Variants in NSMCE2 observed in about 807,000 individuals in gnomAD.
NSMCE2 encodes the protein NSE2 SUMO ligase component of SMC5/6 complex.
Under a neutral mutation model 23.8 loss-of-function variants are expected in NSMCE2, and 24 were observed. The ratio of observed to expected loss-of-function variants is 1.01; its 90% CI spans 0.73 to 1.42. NSMCE2 has a LOEUF of 1.42. Among genes scored for constraint, NSMCE2 ranks in the 40% most tolerant of loss-of-function variants. The probability of loss-of-function intolerance (pLI) is 0.00; values close to 1 mark genes in which losing one functional copy is unlikely to be tolerated. For synonymous variants in NSMCE2, 92 were observed against 94.1 expected (o/e 0.98, Z 0.13); for missense variants, 284 against 296.5 (o/e 0.96, Z 0.31).
intron 5 of NSMCE2, among the ~76,000 whole-genome samples, chr8:125,247,571 A>G (rs867102540): frequency 3.3e-5 from 5 of 152,204 alleles, no homozygotes; most frequent in Middle Eastern, 3.4e-3. Context: ...CTGAAAATAT[A>G]AAAATTAGCT....
chr8:125,297,353 A>G (rs980744981), intron 5 of NSMCE2, among the ~76,000 whole-genome samples: 3 of 152,194 alleles, frequency 2.0e-5, no homozygotes, highest in Non-Finnish European at 4.4e-5. Flanking sequence ...AATCTGCTCT[A>G]CAAAGTCTCT....
intron 4 of NSMCE2, among the ~76,000 whole-genome samples, chr8:125,152,341 G>T (rs1483980233): frequency 6.6e-6 from 1 of 152,138 alleles, no homozygotes; most frequent in Non-Finnish European, 1.5e-5. Flanking sequence ...TAGACTAGAG[G>T]CTTTCAATTT....
At chr8:125,134,383 G>A (rs1819950424) in intron 3 of NSMCE2, among the ~76,000 whole-genome samples, 2 of 152,148 alleles carry the variant, frequency 1.3e-5, no homozygotes, top group Admixed American at 6.5e-5. Flanking sequence ...TATGTGTGGA[G>A]TATATTAAGG....
Position 125,188,218 on chromosome 8 carries a change from ATT to A in NSMCE2, c.418+5966_418+5967del, listed in dbSNP as rs563074851. ...AACATTAGAACACCTTCGCTTTACTATTTTTAGTTGGTGGCTTTTCCGTCTCC... is the reference window on the plus strand; with the variant it reads ...AACATTAGAACACCTTCGCTTTACTATTTAGTTGGTGGCTTTTCCGTCTCC... On this transcript the variant is annotated intron_variant, in intron 5 of 7. Transcript: ENST00000287437. Among the ~76,000 whole-genome samples the A allele has an allele frequency of 8.9e-4, 136 of 152,268 alleles. 4 individuals are homozygous for A. In the South Asian group the frequency reaches 0.02, roughly 22 times the overall value.
At chr8:125,162,488 A>AT (rs540494474) in intron 4 of NSMCE2, among the ~76,000 whole-genome samples, 67 of 150,482 alleles carry the variant, frequency 4.5e-4, no homozygotes, top group East Asian at 1.2e-3. Context: ...TTAATTAATG[A>AT]TTTTTTTTTT....
rs577474795 is a variant in NSMCE2 at position 125,236,926 on chromosome 8, A to G, written c.418+54670A>G. ...AATACTGGTACATAGTAGAGGGTCTATAAATACTAGTGAAAACTGAATGAG... is the reference window on the plus strand; with the variant it reads ...AATACTGGTACATAGTAGAGGGTCTGTAAATACTAGTGAAAACTGAATGAG... On this transcript the variant is annotated intron_variant, in intron 5 of 7. Coordinates refer to ENST00000287437, the MANE Select transcript of NSMCE2 (RefSeq NM_173685.4). Among the ~76,000 whole-genome samples, 27 of 152,126 alleles carry G rather than the reference A, an allele frequency of 1.8e-4. No individual in the cohort carries two copies. The South Asian group carries it at 2.3e-3, about 13-fold the overall frequency.
chr8:125,183,302 T>TTCCA (rs1822918960), intron 5 of NSMCE2, among the ~76,000 whole-genome samples: 1 of 152,212 alleles, frequency 6.6e-6, no homozygotes, highest in Non-Finnish European at 1.5e-5. Flanking sequence ...ATTTTACAAA[T>TTCCA]AACTTAAGTT....
chr8:125,242,099 A>G (rs888168572), intron 5 of NSMCE2, among the ~76,000 whole-genome samples: 3 of 150,760 alleles, frequency 2.0e-5, no homozygotes, highest in African/African-American at 4.9e-5. Context: ...TATGTAAACA[A>G]TAACTGGGGG....
intron 4 of NSMCE2, among the ~76,000 whole-genome samples, chr8:125,151,724 A>T (rs1821041785): frequency 6.6e-6 from 1 of 152,230 alleles, no homozygotes; most frequent in Non-Finnish European, 1.5e-5. Flanking sequence ...TTTAAAAATA[A>T]AGAAGATCGG....
intron 1 of NSMCE2, among the ~76,000 whole-genome samples, chr8:125,101,069 A>C (rs1204308239): frequency 6.6e-6 from 1 of 152,246 alleles, no homozygotes; most frequent in Non-Finnish European, 1.5e-5. Flanking sequence ...TGGATGTTTG[A>C]GGTAAACAAA....
intron 5 of NSMCE2, among the ~76,000 whole-genome samples, chr8:125,316,732 T>TTCCTTCCTTCCTTCCTTCC (rs1554637205): frequency 2.9e-5 from 3 of 102,438 alleles, no homozygotes; most frequent in African/African-American, 1.4e-4. Context: ...CTTTCCTTCT[T>TTCCTTCCTTCCTTCCTTCC]TTCCTTCCTT....
chr8:125,094,012 C>G (rs1817809921), intron 1 of NSMCE2, among the ~76,000 whole-genome samples: 1 of 151,684 alleles, frequency 6.6e-6, no homozygotes, highest in Non-Finnish European at 1.5e-5. Flanking sequence ...CTGTGTTGCC[C>G]AGGCTGGTCT....
intron 4 of NSMCE2, among the ~76,000 whole-genome samples, chr8:125,171,056 G>C (rs529001598): frequency 6.6e-6 from 1 of 151,976 alleles, no homozygotes; most frequent in South Asian, 2.1e-4. Flanking sequence ...CCTTTTTACT[G>C]TGACTCCAAC....
chr8:125,130,419 C>T (rs1819715366), intron 3 of NSMCE2: 2 of 348,168 alleles, frequency 5.7e-6, no homozygotes, highest in Non-Finnish European at 1.2e-5. Flanking sequence ...GCTGTATCCA[C>T]ACTCAAGGGG....
intron 4 of NSMCE2, 83 bp from the exon 5 acceptor site, chr8:125,182,020 C>T: frequency 3.0e-6 from 3 of 1,009,198 alleles, no homozygotes; most frequent in Non-Finnish European, 4.4e-6. Context: ...TTTGAATTAT[C>T]TGAGATAAAA....
At chr8:125,141,813 C>A (rs2130626439) in intron 3 of NSMCE2, among the ~76,000 whole-genome samples, 1 of 152,280 alleles carries the variant, frequency 6.6e-6, no homozygotes, top group South Asian at 2.1e-4. Flanking sequence ...ACCAGCTAAA[C>A]CTGTTCTTTC....
intron 7 of NSMCE2, chr8:125,363,165 T>C (rs1046173263): frequency 6.6e-6 from 1 of 152,148 alleles, no homozygotes; most frequent in African/African-American, 2.4e-5. Context: ...GTCACAAAAG[T>C]GTCTGTATCC....
chr8:125,093,534 C>CAATAAATA (rs559764219), intron 1 of NSMCE2, among the ~76,000 whole-genome samples: 4 of 151,588 alleles, frequency 2.6e-5, no homozygotes, highest in Non-Finnish European at 5.9e-5. Context: ...ACTAAAAATA[C>CAATAAATA]AATAAATAAA....
intron 5 of NSMCE2, among the ~76,000 whole-genome samples, chr8:125,274,369 G>A (rs1827352982): frequency 6.6e-6 from 1 of 152,044 alleles, no homozygotes; most frequent in Admixed American, 6.5e-5. Flanking sequence ...TTTAATTCCT[G>A]TCACCTCAGT....
Sources: allele counts gnomAD v4.1 joint callset (sites outside exome capture counted in the v4.1 genomes callset), GRCh38; gene constraint gnomAD v4.1.1; transcripts MANE v1.5; gene names NCBI Gene and HGNC (gene_info 2026-07-23, HGNC 2026-07-21).